FANCC: variants seen among roughly 807,000 people sequenced by gnomAD.
The protein encoded by FANCC is FA complementation group C, also known as Fanconi anemia group C protein.
A neutral mutation model predicts 71.3 loss-of-function variants in FANCC; 55 were observed. That is an observed-to-expected ratio of 0.77 (90% CI 0.62 to 0.97). The LOEUF (loss-of-function observed/expected upper bound fraction) is 0.97. FANCC is among the 50% of genes least tolerant of loss of function. The pLI, the probability that FANCC is intolerant of heterozygous loss-of-function variation, is 0.00. For missense variants in FANCC, 678 were observed against 670.9 expected (o/e 1.01, Z -0.12); for synonymous variants, 275 against 244.9 (o/e 1.12, Z -1.15).
intron 1 of FANCC, among the ~76,000 whole-genome samples, chr9:95,257,232 A>G (rs1029733139): frequency 2.0e-5 from 3 of 152,254 alleles, no homozygotes; most frequent in African/African-American, 7.2e-5. Context: ...CAGAATATAC[A>G]TTCTTCTCAG....
chr9:95,149,248 T>C (rs2135418101), intron 7 of FANCC, among the ~76,000 whole-genome samples: 1 of 152,208 alleles, frequency 6.6e-6, no homozygotes, highest in Middle Eastern at 3.4e-3. Flanking sequence ...CTTGGGAATG[T>C]ATGAACACAA....
At chr9:95,166,330 T>C (rs906279921) in intron 6 of FANCC, among the ~76,000 whole-genome samples, 14 of 152,108 alleles carry the variant, frequency 9.2e-5, no homozygotes, top group African/African-American at 1.4e-4. Context: ...TTGGGTTTCA[T>C]TGATTTTTTT....
intron 4 of FANCC, among the ~76,000 whole-genome samples, chr9:95,202,848 C>A (rs912222779): frequency 3.9e-5 from 6 of 152,090 alleles, no homozygotes; most frequent in Non-Finnish European, 5.9e-5. Context: ...CAAGTATACA[C>A]AAGAATGATG....
chr9:95,232,589 T>C (rs1270677489), intron 4 of FANCC, among the ~76,000 whole-genome samples: 7 of 152,214 alleles, frequency 4.6e-5, no homozygotes, highest in African/African-American at 1.7e-4. Flanking sequence ...CATGTGTCCC[T>C]GAGTTTCAAA....
intron 11 of FANCC, 29 bp downstream of exon 11, chr9:95,117,286 T>G: frequency 6.2e-7 from 1 of 1,603,288 alleles, no homozygotes; most frequent in Non-Finnish European, 8.5e-7. Context: ...GAAATCATTC[T>G]GATGTGGGCA....
At chr9:95,283,607 T>G (rs891467287) in intron 1 of FANCC, among the ~76,000 whole-genome samples, 1 of 152,190 alleles carries the variant, frequency 6.6e-6, no homozygotes, top group Non-Finnish European at 1.5e-5. Context: ...TACCCTAAAT[T>G]TGTACAAACA....
chr9:95,144,699 G>C (rs1829284394), intron 7 of FANCC, among the ~76,000 whole-genome samples: 1 of 152,230 alleles, frequency 6.6e-6, no homozygotes, highest in Non-Finnish European at 1.5e-5. Flanking sequence ...CTGCCACAGT[G>C]AAAGGCAAGA....
intron 14 of FANCC, among the ~76,000 whole-genome samples, chr9:95,104,969 G>A (rs534064495): frequency 1.3e-5 from 2 of 152,232 alleles, no homozygotes; most frequent in South Asian, 2.1e-4. Context: ...GGCTTATTTC[G>A]CTCAGTGTAA....
rs190789969 is a variant in FANCC, at chr9:95,121,252, C to T, written c.996+3834G>A. Among the ~76,000 whole-genome samples the T allele has an allele frequency of 3.7e-3, 569 of 152,264 alleles. 13 individuals are homozygous for T. Among genetic ancestry groups the T allele is most frequent in the Admixed American group, 0.028 (430 of 15,296 alleles). On this transcript the variant is annotated intron_variant, in intron 10 of 14. Transcript: ENST00000289081. Reference sequence around the variant, plus strand: ...TGCAGGCTTAGAAAAAGTGGCTTGTCACACCCATTTCAATTTCTGCCTACT... The same window carrying T: ...TGCAGGCTTAGAAAAAGTGGCTTGTTACACCCATTTCAATTTCTGCCTACT...
intron 4 of FANCC, among the ~76,000 whole-genome samples, chr9:95,236,887 A>G (rs904915596): frequency 2.0e-5 from 3 of 152,210 alleles, no homozygotes; most frequent in African/African-American, 7.2e-5. Context: ...AACAGATACT[A>G]TGTCACTCTA....
In FANCC at chr9:95,141,357, T is replaced by C. The variant is rs571982059; in HGVS notation, c.687-5855A>G. Among the ~76,000 whole-genome samples the C allele has an allele frequency of 2.5e-3, 352 of 141,752 alleles. 2 individuals carry two copies. The highest frequency in any genetic ancestry group is 4.5e-3 in the Non-Finnish European group (293 of 65,224). 93.0% of individuals were successfully genotyped at this position (141,752 alleles called of 152,430 possible). Reference sequence around the variant, plus strand: ...AAAAAAAAGGATGTGAGGAAGTCTCTCAGTTTCCATCATGGATAAACAATA... The same window carrying C: ...AAAAAAAAGGATGTGAGGAAGTCTCCCAGTTTCCATCATGGATAAACAATA... On this transcript the variant is annotated intron_variant, in intron 7 of 14. Transcript: ENST00000289081.
At chr9:95,109,572 T>A (rs2071743338) in intron 13 of FANCC, 1 of 152,232 alleles carries the variant, frequency 6.6e-6, no homozygotes, top group African/African-American at 2.4e-5. Context: ...GAACTCTGGC[T>A]GCTGGTGGAA....
chr9:95,159,030 G>T (rs1158664998), intron 6 of FANCC, among the ~76,000 whole-genome samples: 1 of 151,732 alleles, frequency 6.6e-6, no homozygotes. Flanking sequence ...AATTTTTTTT[G>T]ACCTTTTTTT....
At chr9:95,201,637 G>A (rs1223725543) in intron 4 of FANCC, among the ~76,000 whole-genome samples, 2 of 152,128 alleles carry the variant, frequency 1.3e-5, no homozygotes, top group African/African-American at 4.8e-5. Context: ...AAGACAGTCT[G>A]CATAAACAAA....
chr9:95,203,554 T>A (rs1342508711), intron 4 of FANCC, among the ~76,000 whole-genome samples: 1 of 152,142 alleles, frequency 6.6e-6, no homozygotes, highest in Non-Finnish European at 1.5e-5. Flanking sequence ...TATTAGCAGT[T>A]CTTAAGTTTT....
chr9:95,110,450 G>T, intron 13 of FANCC: 1 of 1,027,602 alleles, frequency 9.7e-7, no homozygotes, highest in Non-Finnish European at 1.2e-6. Flanking sequence ...TCTTTTAAAG[G>T]GGAAGAAATA....
chr9:95,126,493 T>C (rs759171256), intron 9 of FANCC, 36 bp downstream of exon 9: 6 of 1,595,624 alleles, frequency 3.8e-6, no homozygotes, highest in East Asian at 4.5e-5. Flanking sequence ...GAACCTTTTT[T>C]ACATCAATTA....
chr9:95,139,540 G>A (rs1828267617), intron 7 of FANCC, among the ~76,000 whole-genome samples: 1 of 152,132 alleles, frequency 6.6e-6, no homozygotes, highest in African/African-American at 2.4e-5. Context: ...GGAACAGAGT[G>A]TGGGCCTCGT....
chr9:95,149,606 G>A (rs1830005039), intron 7 of FANCC, among the ~76,000 whole-genome samples: 1 of 151,892 alleles, frequency 6.6e-6, no homozygotes, highest in Admixed American at 6.6e-5. Flanking sequence ...AGCCCCCCTA[G>A]TAGCTGGGAT....
Sources: gnomAD v4.1 joint callset for allele counts (sites outside exome capture counted in the v4.1 genomes callset) on GRCh38, gnomAD v4.1.1 for gene constraint, MANE v1.5 for transcripts, NCBI Gene and HGNC (gene_info 2026-07-23, HGNC 2026-07-21) for gene names.